The following ROBO2 variants were observed in gnomAD, a reference collection of about 807,000 sequenced individuals.
ROBO2 encodes roundabout homolog 2.
ROBO2 carries 53 observed loss-of-function variants against 160.8 expected under a neutral mutation model. The observed-to-expected ratio is 0.33, with a 90% CI of 0.26 to 0.41. The LOEUF is 0.41. ROBO2 is among the 10% of genes least tolerant of loss of function. The pLI is 1.00. For missense variants in ROBO2, 1,577 were observed against 1,722.4 expected, an observed-to-expected ratio of 0.92 and a Z score of 1.49; for synonymous variants, 664 against 611.7, an observed-to-expected ratio of 1.09 and a Z score of -1.26.
At chr3:76,790,707 A>G (rs1033577628) in intron 2 of ROBO2, among the ~76,000 whole-genome samples, 1 of 151,716 alleles carries the variant, frequency 6.6e-6, no homozygotes, top group Non-Finnish European at 1.5e-5. Flanking sequence ...GAAAATAACA[A>G]CATATTAAAC....
intron 2 of ROBO2, among the ~76,000 whole-genome samples, chr3:77,303,080 A>G (rs963442945): frequency 6.6e-6 from 1 of 152,220 alleles, no homozygotes; most frequent in African/African-American, 2.4e-5. Flanking sequence ...ATGGGATTTA[A>G]TGTGCTACCA....
chr3:77,172,289 G>A (rs1211981126), intron 2 of ROBO2, among the ~76,000 whole-genome samples: 1 of 152,140 alleles, frequency 6.6e-6, no homozygotes, highest in Non-Finnish European at 1.5e-5. Flanking sequence ...GGTCACTGTA[G>A]AGATGAAAAT....
chr3:77,579,612 C>G (rs187079540), intron 15 of ROBO2, among the ~76,000 whole-genome samples: 32 of 152,156 alleles, frequency 2.1e-4, no homozygotes, highest in African/African-American at 6.3e-4. Flanking sequence ...CATTTGCAAC[C>G]AAAGACCACA....
intron 5 of ROBO2, among the ~76,000 whole-genome samples, chr3:77,519,626 G>A (rs959162715): frequency 2.0e-5 from 3 of 151,284 alleles, no homozygotes; most frequent in African/African-American, 4.8e-5. Flanking sequence ...TTTTATGGCT[G>A]TGTAGTATTC....
chr3:76,505,369 T>TAA (rs58777126), intron 2 of ROBO2, among the ~76,000 whole-genome samples: 14 of 149,414 alleles, frequency 9.4e-5, no homozygotes, highest in Non-Finnish European at 1.6e-4. Flanking sequence ...GTTCAGCATT[T>TAA]AAAAAAAAAA....
intron 1 of ROBO2, among the ~76,000 whole-genome samples, chr3:77,076,221 T>C (rs1229593485): frequency 3.3e-5 from 5 of 152,174 alleles, no homozygotes; most frequent in Non-Finnish European, 7.4e-5. Flanking sequence ...ATAAATTCTG[T>C]ATTTTCTCCT....
intron 2 of ROBO2, among the ~76,000 whole-genome samples, chr3:77,415,563 C>T (rs1268804654): frequency 2.6e-5 from 4 of 152,214 alleles, no homozygotes; most frequent in Non-Finnish European, 5.9e-5. Context: ...CCAGGCTTCA[C>T]TCGGCTCTGG....
At chr3:76,922,774 C>T (rs2076748812) in intron 2 of ROBO2, among the ~76,000 whole-genome samples, 2 of 152,188 alleles carry the variant, frequency 1.3e-5, no homozygotes, top group Non-Finnish European at 2.9e-5. Context: ...GGGCCAGGGG[C>T]CTTCCAGAGT....
chr3:76,907,259 G>A (rs2075668423), intron 2 of ROBO2, among the ~76,000 whole-genome samples: 2 of 152,274 alleles, frequency 1.3e-5, no homozygotes, highest in Non-Finnish European at 2.9e-5. Context: ...TCCTTGTTAT[G>A]TGAAATCATC....
chr3:76,567,472 C>A (rs1205533520), intron 2 of ROBO2, among the ~76,000 whole-genome samples: 3 of 150,232 alleles, frequency 2.0e-5, no homozygotes, highest in Non-Finnish European at 3.0e-5. Context: ...ATATTTTTTT[C>A]CTTTACTTAG....
In ROBO2 at chr3:76,386,054, C is replaced by T. The variant is rs191593814; in HGVS notation, c.109+448452C>T. Reference sequence around the variant, plus strand: ...GAGTATCAATCCTAAATGAGTACATCCTTATATTTAAATTGAAATACCAAT... The same window carrying T: ...GAGTATCAATCCTAAATGAGTACATTCTTATATTTAAATTGAAATACCAAT... On this transcript the variant is annotated intron_variant, in intron 2 of 26. Coordinates refer to the ROBO2 transcript ENST00000487694. Among the ~76,000 whole-genome samples the T allele has an allele frequency of 3.3e-3, 504 of 152,036 alleles. 3 individuals are homozygous for T. The highest frequency in any genetic ancestry group is 0.012 in the African/African-American group (486 of 41,448).
intron 2 of ROBO2, among the ~76,000 whole-genome samples, chr3:76,639,434 A>G (rs1323897411): frequency 6.7e-6 from 1 of 149,716 alleles, no homozygotes; most frequent in Non-Finnish European, 1.5e-5. Flanking sequence ...ATAAACATAT[A>G]CGTGTATATA....
intron 1 of ROBO2, among the ~76,000 whole-genome samples, chr3:75,935,052 G>A (rs1284705629): frequency 6.6e-6 from 1 of 152,184 alleles, no homozygotes; most frequent in East Asian, 1.9e-4. Context: ...ATATAGGCCA[G>A]GCACGGTGGC....
chr3:77,129,957 TGAGAA>T (rs1396295243), intron 2 of ROBO2, among the ~76,000 whole-genome samples: 2 of 152,132 alleles, frequency 1.3e-5, no homozygotes, highest in Non-Finnish European at 2.9e-5. Flanking sequence ...ACCATCAGAT[TGAGAA>T]ATGACTTCTT....
At chr3:77,086,853 A>G (rs1017624268) in intron 1 of ROBO2, among the ~76,000 whole-genome samples, 2 of 152,128 alleles carry the variant, frequency 1.3e-5, no homozygotes, top group Non-Finnish European at 2.9e-5. Flanking sequence ...TCCTTTCTAT[A>G]CTTATATACC....
intron 2 of ROBO2, among the ~76,000 whole-genome samples, chr3:77,311,730 A>G (rs1580958043): frequency 6.6e-6 from 1 of 152,184 alleles, no homozygotes; most frequent in Non-Finnish European, 1.5e-5. Context: ...TCTCTTTTTC[A>G]TAATCATTTG....
At chr3:77,471,959 G>A (rs1360881451) in intron 2 of ROBO2, among the ~76,000 whole-genome samples, 1 of 152,128 alleles carries the variant, frequency 6.6e-6, no homozygotes, top group Non-Finnish European at 1.5e-5. Flanking sequence ...TCTGAGAAAG[G>A]AATTAATTGA....
At chr3:77,316,814 C>A in intron 2 of ROBO2, 1 of 1,309,620 alleles carries the variant, frequency 7.6e-7, no homozygotes, top group South Asian at 1.2e-5. Context: ...TTCTTGCCAT[C>A]CAGGAGAGCT....
At chr3:77,231,872 G>A (rs115653964) in intron 2 of ROBO2, among the ~76,000 whole-genome samples, 1,583 of 152,162 alleles carry the variant, frequency 0.01, 17 homozygotes, top group Non-Finnish European at 0.015. Flanking sequence ...TATCCTTGAG[G>A]CTCTACTGAA....
Sources: gnomAD v4.1 joint callset for allele counts (sites outside exome capture counted in the v4.1 genomes callset) on GRCh38, gnomAD v4.1.1 for gene constraint, MANE v1.5 for transcripts, NCBI Gene and HGNC (gene_info 2026-07-23, HGNC 2026-07-21) for gene names.